ABCC8: variants seen among roughly 807,000 people sequenced by gnomAD.
ABCC8 encodes ATP binding cassette subfamily C member 8, also known as ATP-binding cassette sub-family C member 8.
A neutral mutation model predicts 188.0 loss-of-function variants in ABCC8; 137 were observed. That is an observed-to-expected ratio of 0.73 (90% CI 0.63 to 0.84). ABCC8 has a LOEUF of 0.84. ABCC8 is among the 40% of genes least tolerant of loss of function. The pLI, the probability that ABCC8 is intolerant of heterozygous loss-of-function variation, is 0.00. For missense variants in ABCC8, 1,750 were observed against 2,072.7 expected (o/e 0.84, Z 3.02); for synonymous variants, 797 against 846.5 (o/e 0.94, Z 1.01).
chr11:17,476,183 G>T (rs1277686637), intron 1 of ABCC8, among the ~76,000 whole-genome samples: 2 of 152,200 alleles, frequency 1.3e-5, no homozygotes, highest in Non-Finnish European at 2.9e-5. Flanking sequence ...CTCCATCCCA[G>T]ACTCCAAAGC....
In ABCC8 at chr11:17,416,936, T is replaced by G; in HGVS notation, c.2249A>C (p.Asp750Ala). 6.2e-7 allele frequency: 1 copy of G among 1,610,118 alleles called. No individual in the cohort carries two copies. The highest frequency in any genetic ancestry group is 8.5e-7 in the Non-Finnish European group (1 of 1,179,116). ...SSLPDSEIGEDPSPERETATD... is the reference protein window; with the variant it reads ...SSLPDSEIGEAPSPERETATD... ...CCCAGTCCCAAGGCTGTACCTGGGGTCCTCTCCTATCTCGCTGTCAGGAAG... is the reference window on the plus strand; with the variant it reads ...CCCAGTCCCAAGGCTGTACCTGGGGGCCTCTCCTATCTCGCTGTCAGGAAG... The change falls in exon 17 of 39, where the codon GAC (aspartate) becomes GCC (alanine). Residue 750 changes from aspartate to alanine, a missense_variant. Transcript: ENST00000389817.
At chr11:17,448,773 C>T in intron 7 of ABCC8, 102 bp from the exon 8 acceptor site, 1 of 1,591,046 alleles carries the variant, frequency 6.3e-7, no homozygotes, top group Non-Finnish European at 8.6e-7. Flanking sequence ...CTCAGACAGT[C>T]CCCATGGTGC....
chr11:17,398,840 A>G (rs892563405), intron 29 of ABCC8, among the ~76,000 whole-genome samples: 33 of 151,824 alleles, frequency 2.2e-4, no homozygotes, highest in Admixed American at 3.3e-4. Context: ...GCCCACCACA[A>G]ACTCTCACCT....
At chr11:17,471,614 C>A (rs1385291620) in intron 2 of ABCC8, among the ~76,000 whole-genome samples, 1 of 152,216 alleles carries the variant, frequency 6.6e-6, no homozygotes, top group African/African-American at 2.4e-5. Context: ...CGTATTCTGG[C>A]CAGTGAGATG....
chr11:17,400,566 G>A (rs1183345344), intron 29 of ABCC8, among the ~76,000 whole-genome samples: 1 of 152,172 alleles, frequency 6.6e-6, no homozygotes, highest in Admixed American at 6.5e-5. Flanking sequence ...AAAAAAATGG[G>A]GAAGTGATAG....
At chr11:17,421,925 C>G (rs948620092) in intron 16 of ABCC8, among the ~76,000 whole-genome samples, 1 of 152,252 alleles carries the variant, frequency 6.6e-6, no homozygotes, top group Admixed American at 6.5e-5. Context: ...CTCCTTCTGG[C>G]TGCCTGGTCA....
chr11:17,442,924 G>A lies in ABCC8; in HGVS notation c.1468-42C>T, dbSNP rs374715455. ...GTCAGAGGGGAGAGGCTTCTGCTCC[G>A]TCTCCCACCCGAGAGGAAGGCCTGA... On this transcript the variant is annotated intron_variant, in intron 9 of 38. Transcript: ENST00000389817. 4.5e-5 allele frequency: 72 copies of A among 1,604,134 alleles called. No homozygotes were observed. In the African/African-American group the frequency reaches 4.8e-4, roughly 11 times the overall value.
chr11:17,437,995 G>A (rs1428332430), intron 10 of ABCC8, among the ~76,000 whole-genome samples: 1 of 152,156 alleles, frequency 6.6e-6, no homozygotes, highest in African/African-American at 2.4e-5. Context: ...CAGCTACTTG[G>A]GAGGCTGAGG....
In ABCC8 at chr11:17,407,070, C is replaced by A. The variant is rs766921341; in HGVS notation, c.2980G>T (p.Glu994Ter). The A allele has an allele frequency of 1.2e-6, 2 of 1,614,034 alleles. No homozygotes were observed. The highest frequency in any genetic ancestry group is 1.7e-6 in the Non-Finnish European group (2 of 1,180,038). ...NLSSMLHQRAEIPWRACAKYL... is the reference protein window; with the variant it reads ...NLSSMLHQRA ...TTGGCGCAGGCTCGCCATGGGATCTCAGCACGCTGGTGCAGCATGGACGAC... is the reference window on the plus strand; with the variant it reads ...TTGGCGCAGGCTCGCCATGGGATCTAAGCACGCTGGTGCAGCATGGACGAC... Residue 994 changes from glutamate (E) to a stop codon, truncating the protein, a stop_gained, in exon 25 of 39, where the codon GAG becomes TAG. Coordinates refer to ENST00000389817, the MANE Select transcript of ABCC8 (RefSeq NM_000352.6). LOFTEE classifies it high-confidence loss of function.
At chr11:17,425,664 T>G (rs955110637) in intron 16 of ABCC8, among the ~76,000 whole-genome samples, 6 of 152,170 alleles carry the variant, frequency 3.9e-5, no homozygotes, top group African/African-American at 1.4e-4. Flanking sequence ...TTTCTTACCT[T>G]TTTAAAGGGT....
Position 17,430,843 on chromosome 11 carries a change from C to A in ABCC8, c.1788G>T (p.Val596=), listed in dbSNP as rs1371996539. 1 of 1,614,206 alleles carries A rather than the reference C, an allele frequency of 6.2e-7. No individual in the cohort carries two copies. The highest frequency in any genetic ancestry group is 1.3e-5 in the African/African-American group (1 of 75,060). Residue 596 remains valine, a synonymous_variant, in exon 12 of 39, where the codon GTG becomes GTT. Coordinates refer to ENST00000389817, the MANE Select transcript of ABCC8 (RefSeq NM_000352.6). ...LVTPLFLLSS[V]VRSTVKALVS... is the part of the protein sequence containing the mutation. ...CTAGAGCTTTGACGGTAGATCGGACCACACTGGACAGCAGGAACAGCGGTG... is the reference window on the plus strand; with the variant it reads ...CTAGAGCTTTGACGGTAGATCGGACAACACTGGACAGCAGGAACAGCGGTG...
chr11:17,418,157 T>C (rs1002488718), intron 16 of ABCC8, among the ~76,000 whole-genome samples: 3 of 152,196 alleles, frequency 2.0e-5, no homozygotes, highest in Admixed American at 6.5e-5. Flanking sequence ...AGAGAAAGGC[T>C]AAGTAACTTG....
rs757471450 is a variant in ABCC8, at chr11:17,410,599, C to T, written c.2611G>A (p.Gly871Ser). 6.2e-6 allele frequency: 10 copies of T among 1,613,936 alleles called. No individual in the cohort carries two copies. In the South Asian group the frequency reaches 8.8e-5, roughly 14 times the overall value. Residue 871 changes from glycine (G) to serine (S), a missense_variant, in exon 22 of 39, where the codon GGC (glycine) becomes AGC (serine). By Grantham distance (56) the Gly-to-Ser change is moderately conservative (BLOSUM62 0). Transcript: ENST00000389817. Reference protein sequence around the residue: ...IHLSDHLMQAGILELLRDDKR... With the variant: ...IHLSDHLMQASILELLRDDKR... The stretch of plus-strand genomic sequence containing the variant: ...TCGTCCCGGAGCAGCTCAAGGATGC[C>T]GGCCTGCATTAAGTGGTCACTCAGA...
intron 8 of ABCC8, chr11:17,443,540 A>T (rs1399653599): frequency 1.7e-6 from 1 of 574,474 alleles, no homozygotes; most frequent in Non-Finnish European, 3.1e-6. Flanking sequence ...CTGGGCTGGT[A>T]ACTAACTGCA....
At position 17,468,485 on chromosome 11, in the gene ABCC8, C is replaced by T. The variant is rs929751962; in HGVS notation, c.412+1616G>A. Among the ~76,000 whole-genome samples the T allele has an allele frequency of 3.9e-5, 6 of 152,288 alleles. No individual in the cohort carries two copies. The South Asian group carries it at 1.0e-3, about 26-fold the overall frequency. On this transcript the variant is annotated intron_variant, in intron 3 of 38. Coordinates refer to ENST00000389817, the MANE Select transcript of ABCC8 (RefSeq NM_000352.6). ...GACGAAGTCTGAGGGCCCTTAGACA[C>T]GCAGTCTCAGAAATGATTAGGAGAT... is the stretch of plus-strand genomic sequence containing the variant.
In ABCC8 at chr11:17,414,311, A is replaced by G. The variant is rs533906554; in HGVS notation, c.2390+201T>C. Among the ~76,000 whole-genome samples the G allele has an allele frequency of 5.3e-5, 8 of 150,970 alleles. No individual in the cohort carries two copies. In the South Asian group the frequency reaches 6.2e-4, roughly 12 times the overall value. On this transcript the variant is annotated intron_variant, in intron 19 of 38. Coordinates refer to ENST00000389817, the MANE Select transcript of ABCC8 (RefSeq NM_000352.6). ...TCCCTCCATTCCTGCCCTCTCCCCT[A>G]TGGGAGCTGGATTGCCCCAATGCTC...
Position 17,408,467 on chromosome 11 carries a change from G to C in ABCC8, c.2745C>G (p.Asp915Glu), listed in dbSNP as rs1954646086. ...AGAGCTGGCATTCAGACCTCTGGAAGTCCTTGAGGGTACCCTCCCTCTGGA... is the reference window on the plus strand; with the variant it reads ...AGAGCTGGCATTCAGACCTCTGGAACTCCTTGAGGGTACCCTCCCTCTGGA... ...GTIQREGTLKDFQRSECQLFE... is the reference protein window; with the variant it reads ...GTIQREGTLKEFQRSECQLFE... Residue 915 changes from aspartate (D) to glutamate (E), a missense_variant, in exon 23 of 39, where the codon GAC becomes GAG. Asp to Glu is a conservative substitution (Grantham distance 45). Coordinates refer to ENST00000389817, the MANE Select transcript of ABCC8 (RefSeq NM_000352.6). The C allele has an allele frequency of 6.2e-7, 1 of 1,613,724 alleles. No homozygotes were observed. Among genetic ancestry groups the C allele is most frequent in the African/African-American group, 1.3e-5 (1 of 74,930 alleles).
Position 17,416,910 on chromosome 11 carries a change from A to T in ABCC8, c.2255+20T>A. On this transcript the variant is annotated intron_variant, in intron 17 of 38. Coordinates refer to ENST00000389817, the MANE Select transcript of ABCC8 (RefSeq NM_000352.6). ...TTCCCTTTGTTGAGACCCACTTCTG[A>T]CCCAGTCCCAAGGCTGTACCTGGGG... 1.2e-6 allele frequency: 2 copies of T among 1,611,766 alleles called. No homozygotes were observed. The highest frequency in any genetic ancestry group is 1.7e-6 in the Non-Finnish European group (2 of 1,179,388).
intron 12 of ABCC8, chr11:17,429,858 G>A (rs923223661): frequency 2.0e-5 from 3 of 152,180 alleles, no homozygotes; most frequent in Admixed American, 6.5e-5. Flanking sequence ...ACTCCTTAGA[G>A]CATAATTTTG....
Sources: allele counts gnomAD v4.1 joint callset (sites outside exome capture counted in the v4.1 genomes callset), GRCh38; gene constraint gnomAD v4.1.1; transcripts MANE v1.5; gene names NCBI Gene and HGNC (gene_info 2026-07-23, HGNC 2026-07-21).